ZFPM2: variants seen among roughly 807,000 people sequenced by gnomAD.
The protein encoded by ZFPM2 is zinc finger protein ZFPM2.
Under a neutral mutation model 98.6 loss-of-function variants are expected in ZFPM2, and 20 were observed. The observed-to-expected ratio is 0.20, with a 90% CI of 0.14 to 0.29. The LOEUF (loss-of-function observed/expected upper bound fraction) is 0.29. Ranked by LOEUF, ZFPM2 falls within the 10% of genes least tolerant of loss-of-function variation. The pLI is 1.00. For synonymous variants in ZFPM2, 518 were observed against 502.7 expected, an observed-to-expected ratio of 1.03 and a Z score of -0.41; for missense variants, 1,310 against 1,388.6, an observed-to-expected ratio of 0.94 and a Z score of 0.90.
chr8:105,504,476 A>G (rs1454816572), intron 3 of ZFPM2, among the ~76,000 whole-genome samples: 1 of 152,220 alleles, frequency 6.6e-6, no homozygotes, highest in Admixed American at 6.5e-5. Context: ...AAGTGATGGC[A>G]TCAGAACTTC....
chr8:105,581,823 C>T (rs1369139192), intron 4 of ZFPM2, among the ~76,000 whole-genome samples: 2 of 152,158 alleles, frequency 1.3e-5, no homozygotes, highest in Non-Finnish European at 2.9e-5. Flanking sequence ...CCCCATCAGC[C>T]CTGCTCTTTC....
chr8:105,457,681 AAAATGGTTTTTG>A lies in ZFPM2; in HGVS notation c.301+13301_301+13312del, dbSNP rs1256602318. Among the ~76,000 whole-genome samples, 5 of 152,290 alleles carry A rather than the reference AAAATGGTTTTTG, an allele frequency of 3.3e-5. No individual in the cohort carries two copies. The East Asian group carries it at 7.7e-4, about 24-fold the overall frequency. On this transcript the variant is annotated intron_variant, in intron 3 of 7. Coordinates refer to ENST00000407775, the MANE Select transcript of ZFPM2 (RefSeq NM_012082.4). The stretch of plus-strand genomic sequence containing the variant: ...ACTTTAAGTTGTTACTCATAGATAG[AAAATGGTTTTTG>A]TTTGTTTGTTTGTTTTTTGCAAGTC...
chr8:105,461,279 A>T (rs927263552), intron 3 of ZFPM2, among the ~76,000 whole-genome samples: 2 of 152,164 alleles, frequency 1.3e-5, no homozygotes, highest in South Asian at 2.1e-4. Context: ...AAAATAAAAA[A>T]ACTTGAAATG....
intron 3 of ZFPM2, among the ~76,000 whole-genome samples, chr8:105,464,600 A>C (rs186526586): frequency 4.6e-5 from 7 of 152,166 alleles, no homozygotes. Context: ...GTATGGATGC[A>C]GATTAGGCCT....
intron 4 of ZFPM2, among the ~76,000 whole-genome samples, chr8:105,580,825 C>A (rs62527230): frequency 0.34 from 45,681 of 133,134 alleles, 7,916 homozygotes; most frequent in East Asian, 0.61. Flanking sequence ...CTCTCTCTCT[C>A]TCTATATATA....
intron 5 of ZFPM2, among the ~76,000 whole-genome samples, chr8:105,637,295 T>G (rs560097290): frequency 6.6e-6 from 1 of 152,170 alleles, no homozygotes; most frequent in African/African-American, 2.4e-5. Flanking sequence ...TCAAAACCAC[T>G]CGGGCTTTTA....
intron 6 of ZFPM2, among the ~76,000 whole-genome samples, chr8:105,796,447 T>C (rs139664149): frequency 3.7e-4 from 56 of 152,220 alleles, no homozygotes; most frequent in African/African-American, 1.2e-3. Context: ...TGTAGCCTCA[T>C]GAATAGTGTA....
intron 1 of ZFPM2, among the ~76,000 whole-genome samples, chr8:105,386,689 T>C (rs1278152034): frequency 6.6e-6 from 1 of 152,114 alleles, no homozygotes; most frequent in East Asian, 1.9e-4. Context: ...CCCCAGCAGG[T>C]TGCCACTGCT....
intron 3 of ZFPM2, among the ~76,000 whole-genome samples, chr8:105,475,904 T>G (rs1032853347): frequency 6.6e-6 from 1 of 152,156 alleles, no homozygotes; most frequent in Admixed American, 6.5e-5. Flanking sequence ...AAAGTGGTGC[T>G]CAAAATGAGA....
chr8:105,782,921 T>G (rs1458506509), intron 5 of ZFPM2, among the ~76,000 whole-genome samples: 1 of 152,086 alleles, frequency 6.6e-6, no homozygotes, highest in African/African-American at 2.4e-5. Context: ...TTAGATTCCT[T>G]AAATTTCACC....
At chr8:105,398,428 G>T (rs564052005) in intron 1 of ZFPM2, among the ~76,000 whole-genome samples, 17 of 152,268 alleles carry the variant, frequency 1.1e-4, no homozygotes, top group Admixed American at 3.3e-4. Flanking sequence ...GATGGATTTT[G>T]CTAAACGATG....
chr8:105,637,827 T>C (rs1032340401), intron 5 of ZFPM2, among the ~76,000 whole-genome samples: 12 of 151,966 alleles, frequency 7.9e-5, no homozygotes, highest in Admixed American at 6.6e-5. Context: ...GATGGAAGGG[T>C]TAACAAGTGT....
chr8:105,656,048 C>T (rs79374015), intron 5 of ZFPM2, among the ~76,000 whole-genome samples: 1 of 151,904 alleles, frequency 6.6e-6, no homozygotes, highest in East Asian at 1.9e-4. Flanking sequence ...ACTGGAGTGA[C>T]CAAAACAAAC....
intron 1 of ZFPM2, among the ~76,000 whole-genome samples, chr8:105,380,454 A>G (rs1487263100): frequency 6.7e-6 from 1 of 148,932 alleles, no homozygotes; most frequent in African/African-American, 2.5e-5. Context: ...AATCTCACTC[A>G]CGATCAACAT....
intron 5 of ZFPM2, among the ~76,000 whole-genome samples, chr8:105,706,869 C>T (rs1038099242): frequency 1.4e-4 from 22 of 152,166 alleles, no homozygotes; most frequent in African/African-American, 4.1e-4. Flanking sequence ...CGTGAACCAC[C>T]ACGCCCTGCC....
chr8:105,770,228 C>G (rs1812950475), intron 5 of ZFPM2, among the ~76,000 whole-genome samples: 1 of 151,876 alleles, frequency 6.6e-6, no homozygotes. Flanking sequence ...AACAGTGTTC[C>G]CCTCACAAGT....
rs546620714 is a variant in ZFPM2 at position 105,727,121 on chromosome 8, G to T, written c.533-61597G>T. ...GTATTTATGTTTTAAAACTTTTATTGTAAATGTTTCTTTGTTACCTGGGAT... is the reference window on the plus strand; with the variant it reads ...GTATTTATGTTTTAAAACTTTTATTTTAAATGTTTCTTTGTTACCTGGGAT... On this transcript the variant is annotated intron_variant, in intron 5 of 7. Coordinates refer to ENST00000407775, the MANE Select transcript of ZFPM2 (RefSeq NM_012082.4). Among the ~76,000 whole-genome samples, 247 of 151,442 alleles carry T rather than the reference G, an allele frequency of 1.6e-3. 6 individuals carry two copies. In the South Asian group the frequency reaches 0.05, roughly 31 times the overall value.
intron 2 of ZFPM2, among the ~76,000 whole-genome samples, chr8:105,441,898 G>A (rs1812258611): frequency 6.6e-6 from 1 of 152,152 alleles, no homozygotes; most frequent in African/African-American, 2.4e-5. Context: ...AACTTGGTTA[G>A]TTCAGGGCTA....
intron 5 of ZFPM2, among the ~76,000 whole-genome samples, chr8:105,694,023 G>C: frequency 8.6e-6 from 1 of 116,648 alleles, no homozygotes; most frequent in Non-Finnish European, 1.6e-5. Context: ...CTCACACTCT[G>C]TTGCCCAGGC....
Sources: allele counts gnomAD v4.1 joint callset (sites outside exome capture counted in the v4.1 genomes callset), GRCh38; gene constraint gnomAD v4.1.1; transcripts MANE v1.5; gene names NCBI Gene and HGNC (gene_info 2026-07-23, HGNC 2026-07-21).